The following TBX1 variants were observed in gnomAD, a reference collection of about 807,000 sequenced individuals.
TBX1 encodes the protein T-box transcription factor 1, also known as T-box transcription factor TBX1.
In TBX1, 16 loss-of-function variants were observed where a neutral mutation model predicts 40.8. The ratio of observed to expected loss-of-function variants is 0.39; its 90% CI spans 0.27 to 0.60. TBX1 has a LOEUF of 0.60. Ranked by LOEUF, TBX1 falls within the 20% of genes least tolerant of loss-of-function variation. The probability of loss-of-function intolerance (pLI) is 0.51; values close to 1 mark genes in which losing one functional copy is unlikely to be tolerated. For missense variants in TBX1, 755 were observed against 728.5 expected (o/e 1.04, Z -0.42); for synonymous variants, 403 against 336.8 (o/e 1.20, Z -2.15).
At chr22:19,758,007 A>G (rs1350903307), upstream of TBX1, among the ~76,000 whole-genome samples, 1 of 152,106 alleles carries the variant, frequency 6.6e-6, no homozygotes, top group Non-Finnish European at 1.5e-5. Context: ...CACATCCCAG[A>G]CAGGCAGCAC....
chr22:19,763,831 G>C (rs1360816597), intron 2 of TBX1: 1 of 507,764 alleles, frequency 2.0e-6, no homozygotes, highest in East Asian at 3.4e-5. Context: ...GGCCCGGCAA[G>C]GCCAAGTGTG....
upstream of TBX1, among the ~76,000 whole-genome samples, chr22:19,760,737 G>C (rs1936625467): frequency 7.1e-6 from 1 of 141,252 alleles, no homozygotes; most frequent in Admixed American, 6.9e-5. Context: ...CCTGCGGTGT[G>C]GGGCTGCACG....
downstream of TBX1, among the ~76,000 whole-genome samples, chr22:19,770,445 G>A (rs374436585): frequency 3.3e-5 from 5 of 152,192 alleles, no homozygotes; most frequent in South Asian, 4.1e-4. Flanking sequence ...CCCCTTTGTC[G>A]AAGGGACAAT....
Position 19,765,986 on chromosome 22 carries a change from C to T in TBX1, c.1020C>T (p.Pro340=), listed in dbSNP as rs764610884. The T allele has an allele frequency of 5.9e-6, 9 of 1,512,798 alleles. No homozygotes were observed. In the Middle Eastern group the frequency reaches 6.4e-4, roughly 108 times the overall value. 93.7% of individuals were successfully genotyped at this position (1,512,798 alleles called of 1,614,324 possible). ...ACCCCGTGGCTTCCCCGACGCAGCC[C>T]AGCGGCACGGAGAAAGGTAGGGCCG... ...SRNPVASPTQ[P]SGTEKDAAEA... Residue 340 remains proline (P), a synonymous_variant, in exon 6 of 7, where the codon CCC becomes CCT. Coordinates refer to ENST00000649276, the MANE Select transcript of TBX1 (RefSeq NM_001379200.1).
At chr22:19,767,592 C>A (rs760496026), downstream of TBX1, among the ~76,000 whole-genome samples, 29 of 152,242 alleles carry the variant, frequency 1.9e-4, no homozygotes, top group Non-Finnish European at 3.2e-4. Context: ...CCCACCGTCC[C>A]GTCTCATCCC....
chr22:19,766,328 G>T, intron 6 of TBX1, 61 bp from the exon 7 acceptor site: 1 of 1,233,318 alleles, frequency 8.1e-7, no homozygotes, highest in Non-Finnish European at 1.0e-6. Context: ...GCCTCGCATG[G>T]GGCGTCGGAG....
At chr22:19,779,283 A>G in exon 9 of TBX1, 1 of 1,614,228 alleles carries the variant, frequency 6.2e-7, no homozygotes. Flanking sequence ...CCAGAGAGAG[A>G]AGTGGAGCTT....
downstream of TBX1, among the ~76,000 whole-genome samples, chr22:19,768,751 T>C (rs540800058): frequency 1.3e-5 from 2 of 152,144 alleles, no homozygotes; most frequent in East Asian, 3.9e-4. Flanking sequence ...TGTTCAGAGC[T>C]AAAGGGAGGA....
At position 19,764,160 on chromosome 22, in the gene TBX1, C is replaced by A; in HGVS notation, c.545C>A (p.Ala182Asp). Residue 182 changes from alanine (A) to aspartate (D), a missense_variant, in exon 3 of 7, where the codon GCC becomes GAC. Ala to Asp is a moderately radical substitution (Grantham distance 126, BLOSUM62 -2). This residue lies in a region of TBX1 where 144 missense variants were observed against 238.0 expected (regional missense o/e 0.61). Coordinates refer to ENST00000649276, the MANE Select transcript of TBX1 (RefSeq NM_001379200.1). ...VPVDDKRYRY[A>D]FHSSSWLVAG... ...CCCACCCCGTGCCGCTCCAGGTACG[C>A]CTTCCACAGCTCCTCCTGGCTGGTG... 1 of 1,612,922 alleles carries A rather than the reference C, an allele frequency of 6.2e-7. No individual in the cohort carries two copies. The highest frequency in any genetic ancestry group is 8.5e-7 in the Non-Finnish European group (1 of 1,179,892).
chr22:19,756,910 G>A (rs1450478329), upstream of TBX1, among the ~76,000 whole-genome samples: 1 of 151,766 alleles, frequency 6.6e-6, no homozygotes, highest in East Asian at 1.9e-4. Flanking sequence ...GTGGGCGGGT[G>A]GCGGGGTGGC....
chr22:19,780,379 T>C (rs1269798542), downstream of TBX1, among the ~76,000 whole-genome samples: 1 of 152,260 alleles, frequency 6.6e-6, no homozygotes, highest in African/African-American at 2.4e-5. Flanking sequence ...TTTGTCTTTT[T>C]GTGGCTGGCT....
At chr22:19,782,997 G>T (rs767911272), downstream of TBX1, 1 of 1,175,908 alleles carries the variant, frequency 8.5e-7, no homozygotes, top group Admixed American at 1.7e-5. Context: ...GAGTCCCTGA[G>T]ACCACCACAC....
Position 19,766,949 on chromosome 22 carries a change from C to T in TBX1, c.*82C>T, listed in dbSNP as rs1382909710. On this transcript the variant is annotated 3_prime_UTR_variant, in exon 7 of 7. Transcript: ENST00000649276. ...CCGGCCACCCTGCCCCAAGGGCAAG[C>T]AAGGAATACGTTCCCCCAGCCCCAG... is the stretch of plus-strand genomic sequence containing the variant. 8.5e-6 allele frequency: 13 copies of T among 1,537,112 alleles called. No individual in the cohort carries two copies. The highest frequency in any genetic ancestry group is 1.1e-5 in the Non-Finnish European group (13 of 1,151,472).
chr22:19,780,782 TTTTTTG>T (rs998423858), downstream of TBX1, among the ~76,000 whole-genome samples: 1 of 144,338 alleles, frequency 6.9e-6, no homozygotes, highest in African/African-American at 2.6e-5. Context: ...TTCTGTTTTT[TTTTTTG>T]TTTTTTTTTT....
chr22:19,763,666 G>A (rs1406176523), intron 2 of TBX1: 2 of 447,404 alleles, frequency 4.5e-6, no homozygotes, highest in Non-Finnish European at 8.2e-6. Context: ...GCCGGCCTGA[G>A]CGCCTAGTCC....
At chr22:19,763,467 C>T (rs1601288062) in intron 2 of TBX1, 125 bp downstream of exon 2, 1 of 783,218 alleles carries the variant, frequency 1.3e-6, no homozygotes, top group Non-Finnish European at 2.1e-6. Flanking sequence ...TGCGATGCTG[C>T]CCGATCAACC....
At position 19,764,254 on chromosome 22, in the gene TBX1, G is replaced by T. The variant is rs778071107; in HGVS notation, c.639G>T (p.Ala213=). 3 of 1,613,406 alleles carry T rather than the reference G, an allele frequency of 1.9e-6. No individual in the cohort carries two copies. In the Admixed American group the frequency reaches 5.0e-5, roughly 27 times the overall value. The change falls in exon 3 of 7, where the codon GCG becomes GCT. Residue 213 remains alanine, a synonymous_variant. Transcript: ENST00000649276. Reference sequence around the variant, plus strand: ...ACCCGGACTCGCCTGCCAAGGGCGCGCAGTGGATGAAGCAAATCGTGTCCT... The same window carrying T: ...ACCCGGACTCGCCTGCCAAGGGCGCTCAGTGGATGAAGCAAATCGTGTCCT... ...HYHPDSPAKG[A]QWMKQIVSFD... is the part of the protein sequence containing the mutation.
chr22:19,782,783 A>G (rs1422869213), downstream of TBX1: 2 of 1,535,346 alleles, frequency 1.3e-6, no homozygotes, highest in Admixed American at 1.8e-5. Flanking sequence ...CTGGGGCCTC[A>G]GCTGTCTGTG....
At chr22:19,756,902 G>A (rs891899705), upstream of TBX1, among the ~76,000 whole-genome samples, 15 of 152,016 alleles carry the variant, frequency 9.9e-5, no homozygotes, top group African/African-American at 3.6e-4. Context: ...AGAGGAGTGT[G>A]GGCGGGTGGC....
Sources: allele counts gnomAD v4.1 joint callset (sites outside exome capture counted in the v4.1 genomes callset), GRCh38; gene constraint gnomAD v4.1.1; regional missense constraint gnomAD v4.1.1; transcripts MANE v1.5; gene names NCBI Gene and HGNC (gene_info 2026-07-23, HGNC 2026-07-21).